THSD7B: variants seen among roughly 807,000 people sequenced by gnomAD.
The protein encoded by THSD7B is thrombospondin type 1 domain containing 7B, also known as thrombospondin type-1 domain-containing protein 7B.
A neutral mutation model predicts 213.6 loss-of-function variants in THSD7B; 138 were observed. The observed-to-expected ratio is 0.65, with a 90% CI of 0.56 to 0.74. THSD7B has a LOEUF of 0.74. THSD7B is among the 30% of genes least tolerant of loss of function. The probability of loss-of-function intolerance (pLI) is 0.00; values close to 1 mark genes in which losing one functional copy is unlikely to be tolerated. For synonymous variants in THSD7B, 742 were observed against 687.0 expected (o/e 1.08, Z -1.25); for missense variants, 1,931 against 1,991.5 (o/e 0.97, Z 0.58).
chr2:137,515,411 G>C (rs527662110), intron 15 of THSD7B, among the ~76,000 whole-genome samples: 2 of 152,180 alleles, frequency 1.3e-5, no homozygotes, highest in South Asian at 4.2e-4. Context: ...ATTCTCCTCA[G>C]GACCCTCCCC....
At chr2:136,915,881 T>C (rs1047107356) in intron 2 of THSD7B, among the ~76,000 whole-genome samples, 6 of 152,218 alleles carry the variant, frequency 3.9e-5, no homozygotes, top group African/African-American at 1.4e-4. Flanking sequence ...AACCTGACAG[T>C]ACATTTTCAG....
At chr2:137,142,269 G>A (rs1190611881) in intron 5 of THSD7B, among the ~76,000 whole-genome samples, 4 of 152,056 alleles carry the variant, frequency 2.6e-5, no homozygotes, top group Non-Finnish European at 5.9e-5. Context: ...CATGGCAGAA[G>A]GACAGAGAGA....
intron 2 of THSD7B, among the ~76,000 whole-genome samples, chr2:137,009,394 T>G (rs1325498582): frequency 6.6e-6 from 1 of 152,168 alleles, no homozygotes; most frequent in Non-Finnish European, 1.5e-5. Flanking sequence ...TCATGCATTA[T>G]AGTATGTTTA....
chr2:137,508,370 A>G (rs911652144), intron 15 of THSD7B, among the ~76,000 whole-genome samples: 1 of 140,548 alleles, frequency 7.1e-6, no homozygotes, highest in South Asian at 2.2e-4. Context: ...TCTGCTAAAT[A>G]AAACAATTTT....
chr2:137,514,130 A>G (rs1159400639), intron 15 of THSD7B, among the ~76,000 whole-genome samples: 1 of 152,104 alleles, frequency 6.6e-6, no homozygotes, highest in African/African-American at 2.4e-5. Context: ...ATGACAGTAT[A>G]TGTGATATGG....
Position 137,503,108 on chromosome 2 carries a change from G to A in THSD7B, c.3138+52085G>A, listed in dbSNP as rs537153161. On this transcript the variant is annotated intron_variant, in intron 15 of 27. Transcript: ENST00000409968. ...GTACAGAGTATCATGCATCCAAATG[G>A]ACTATATATTATAATCTGTAAGCAA... 2.0e-5 allele frequency among the ~76,000 whole-genome samples: 3 copies of A among 152,166 alleles called. No homozygotes were observed. The South Asian group carries it at 6.2e-4, about 32-fold the overall frequency.
intron 15 of THSD7B, among the ~76,000 whole-genome samples, chr2:137,476,786 C>G (rs1688203644): frequency 6.6e-6 from 1 of 152,272 alleles, no homozygotes; most frequent in East Asian, 1.9e-4. Flanking sequence ...GTGATCCACC[C>G]ACTTCGACCT....
At chr2:137,016,100 G>A (rs1686334387) in intron 2 of THSD7B, among the ~76,000 whole-genome samples, 1 of 152,050 alleles carries the variant, frequency 6.6e-6, no homozygotes, top group Non-Finnish European at 1.5e-5. Flanking sequence ...TGCTTTACAG[G>A]GGGAAATTGC....
chr2:137,339,615 T>TAAAG (rs1210544837), intron 12 of THSD7B, among the ~76,000 whole-genome samples: 1 of 151,570 alleles, frequency 6.6e-6, no homozygotes, highest in Non-Finnish European at 1.5e-5. Context: ...ATGACAGCAA[T>TAAAG]AAAGAAAAGT....
intron 1 of THSD7B, among the ~76,000 whole-genome samples, chr2:136,862,376 T>G (rs774760841): frequency 6.6e-6 from 1 of 152,210 alleles, no homozygotes; most frequent in South Asian, 2.1e-4. Context: ...ATTATTAACT[T>G]TTACTTCACA....
At chr2:137,440,855 G>T (rs994571219) in intron 14 of THSD7B, among the ~76,000 whole-genome samples, 5 of 152,030 alleles carry the variant, frequency 3.3e-5, no homozygotes, top group African/African-American at 1.2e-4. Flanking sequence ...AAAAAGAAGA[G>T]AAATACTTTT....
chr2:137,522,561 GGA>G (rs1680205559), intron 15 of THSD7B, among the ~76,000 whole-genome samples: 1 of 151,764 alleles, frequency 6.6e-6, no homozygotes, highest in Admixed American at 6.6e-5. Flanking sequence ...TTCTTGGAAT[GGA>G]GAGGGAAGAG....
At chr2:137,089,577 T>A (rs557069274) in intron 3 of THSD7B, among the ~76,000 whole-genome samples, 2 of 151,924 alleles carry the variant, frequency 1.3e-5, no homozygotes, top group African/African-American at 4.8e-5. Flanking sequence ...CCAAACATCA[T>A]ATGTCCTCAC....
At chr2:137,587,215 G>A (rs187533528) in intron 17 of THSD7B, among the ~76,000 whole-genome samples, 1 of 152,058 alleles carries the variant, frequency 6.6e-6, no homozygotes, top group Non-Finnish European at 1.5e-5. Context: ...CTCTACACTG[G>A]TTATTCTAGT....
chr2:137,160,437 A>G (rs1679997882), intron 6 of THSD7B, 69 bp downstream of exon 6: 1 of 1,561,690 alleles, frequency 6.4e-7, no homozygotes, highest in African/African-American at 1.4e-5. Flanking sequence ...TAGCTAAGTC[A>G]CTGATTAAGC....
intron 12 of THSD7B, among the ~76,000 whole-genome samples, chr2:137,366,621 A>T (rs1234802998): frequency 1.3e-5 from 2 of 150,566 alleles, no homozygotes; most frequent in African/African-American, 5.0e-5. Context: ...ATTGACATAC[A>T]ATCGTAAAAA....
intron 14 of THSD7B, among the ~76,000 whole-genome samples, chr2:137,420,282 G>T (rs1359044031): frequency 6.6e-6 from 1 of 152,148 alleles, no homozygotes; most frequent in Non-Finnish European, 1.5e-5. Context: ...GCTGGCAGGG[G>T]TCTTTTGCCT....
intron 15 of THSD7B, among the ~76,000 whole-genome samples, chr2:137,496,468 C>CT (rs1679569402): frequency 6.6e-6 from 1 of 152,080 alleles, no homozygotes; most frequent in African/African-American, 2.4e-5. Flanking sequence ...TCTTTGAGTC[C>CT]TTTTTGTTTT....
chr2:137,572,887 A>G (rs1035366252), intron 17 of THSD7B, among the ~76,000 whole-genome samples: 5 of 152,038 alleles, frequency 3.3e-5, no homozygotes, highest in Admixed American at 2.6e-4. Context: ...CTTATAATAT[A>G]TCTTGGTCCT....
Sources: gnomAD v4.1 joint callset for allele counts (sites outside exome capture counted in the v4.1 genomes callset) on GRCh38, gnomAD v4.1.1 for gene constraint, MANE v1.5 for transcripts, NCBI Gene and HGNC (gene_info 2026-07-23, HGNC 2026-07-21) for gene names.